Variants in ABCC6 observed in about 807,000 individuals in gnomAD.
ABCC6 encodes ATP-binding cassette sub-family C member 6.
A neutral mutation model predicts 169.5 loss-of-function variants in ABCC6; 126 were observed. The ratio of observed to expected loss-of-function variants is 0.74; its 90% CI spans 0.64 to 0.86. ABCC6 has a LOEUF of 0.86. Ranked by LOEUF, ABCC6 falls within the 40% of genes least tolerant of loss-of-function variation. The pLI, the probability that ABCC6 is intolerant of heterozygous loss-of-function variation, is 0.00. For missense variants in ABCC6, 1,733 were observed against 1,927.2 expected, an observed-to-expected ratio of 0.90 and a Z score of 1.89; for synonymous variants, 752 against 814.7, an observed-to-expected ratio of 0.92 and a Z score of 1.31.
At chr16:16,188,276 C>T (rs2047721623) in intron 13 of ABCC6, among the ~76,000 whole-genome samples, 1 of 151,508 alleles carries the variant, frequency 6.6e-6, no homozygotes, top group Non-Finnish European at 1.5e-5. Flanking sequence ...CCTGTGGTCC[C>T]AGCTACTTGG....
chr16:16,164,174 C>T (rs1291144195), intron 23 of ABCC6, among the ~76,000 whole-genome samples: 1 of 152,044 alleles, frequency 6.6e-6, no homozygotes, highest in African/African-American at 2.4e-5. Context: ...GCTGGGATTA[C>T]AAGCATGCGC....
chr16:16,198,899 C>G (rs2048146868), intron 9 of ABCC6, among the ~76,000 whole-genome samples: 1 of 151,970 alleles, frequency 6.6e-6, no homozygotes, highest in South Asian at 2.1e-4. Flanking sequence ...GAGGCTGAGG[C>G]AAGAGAATCG....
chr16:16,221,704 A>G lies in ABCC6; in HGVS notation c.164T>C (p.Ile55Thr). The G allele has an allele frequency of 6.2e-7, 1 of 1,613,898 alleles. No homozygotes were observed. Among genetic ancestry groups the G allele is most frequent in the Non-Finnish European group, 8.5e-7 (1 of 1,179,848 alleles). Residue 55 changes from isoleucine to threonine, a missense_variant, in exon 2 of 31, where the codon ATC becomes ACC. Coordinates refer to ENST00000205557, the MANE Select transcript of ABCC6 (RefSeq NM_001171.6). ...WVLGPIYLLF[I>T]HHHGRGYLRM... is the part of the protein sequence containing the mutation. Reference sequence around the variant, plus strand: ...GAGGTAGCCCCGGCCATGGTGGTGGATGAAGAGGAGGTAGATGGGACCAAG... The same window carrying G: ...GAGGTAGCCCCGGCCATGGTGGTGGGTGAAGAGGAGGTAGATGGGACCAAG...
At chr16:16,183,076 C>G in intron 15 of ABCC6, 146 bp from the exon 16 acceptor site, 1 of 1,292,868 alleles carries the variant, frequency 7.7e-7, no homozygotes, top group Non-Finnish European at 1.1e-6. Context: ...CAGTCCTTGT[C>G]TAGCTATTTG....
At chr16:16,175,675 T>C (rs560862462) in intron 20 of ABCC6, among the ~76,000 whole-genome samples, 6 of 152,298 alleles carry the variant, frequency 3.9e-5, no homozygotes, top group Admixed American at 2.0e-4. Context: ...CATCCATCAA[T>C]TGGAAGGCAT....
intron 14 of ABCC6, among the ~76,000 whole-genome samples, chr16:16,185,651 G>C (rs925975463): frequency 1.3e-5 from 2 of 152,126 alleles, no homozygotes; most frequent in Admixed American, 6.6e-5. Context: ...CAGGCGTGGT[G>C]GTGGGCGCCT....
chr16:16,186,765 T>C (rs1212005166), intron 14 of ABCC6, among the ~76,000 whole-genome samples: 1 of 151,742 alleles, frequency 6.6e-6, no homozygotes, highest in African/African-American at 2.4e-5. Context: ...ATAAATGGAA[T>C]GTGTTTGAAT....
In ABCC6 at chr16:16,188,895, G is replaced by A. The variant is rs1457725817; in HGVS notation, c.1715C>T (p.Thr572Ile). ...GGCCTTGTTGAGGATGTTGAGAACTGTGAGAGTCACAAAGGCTTTCTCTGC... is the reference window on the plus strand; with the variant it reads ...GGCCTTGTTGAGGATGTTGAGAACTATGAGAGTCACAAAGGCTTTCTCTGC... ...MNAEKAFVTL[T>I]VLNILNKAQA... The change falls in exon 13 of 31, where the codon ACA becomes ATA. Residue 572 changes from threonine (T) to isoleucine (I), a missense_variant. Physicochemically the swap from Thr to Ile is moderately conservative, Grantham distance 89. This residue lies in a region of ABCC6 where 1,601 missense variants were observed against 1,635.5 expected (regional missense o/e 0.98). Transcript: ENST00000205557. 1.9e-6 allele frequency: 3 copies of A among 1,614,044 alleles called. No individual in the cohort carries two copies. The highest frequency in any genetic ancestry group is 8.5e-7 in the Non-Finnish European group (1 of 1,180,016).
Position 16,165,889 on chromosome 16 carries a change from C to A in ABCC6, c.3040G>T (p.Ala1014Ser). 1 of 1,613,130 alleles carries A rather than the reference C, an allele frequency of 6.2e-7. No homozygotes were observed. The highest frequency in any genetic ancestry group is 8.5e-7 in the Non-Finnish European group (1 of 1,179,994). Reference sequence around the variant, plus strand: ...TGGAAGAGCAACCTGGATGCCCGGGCCCCACCTAGGAGCACCGCAGCCATG... The same window carrying A: ...TGGAAGAGCAACCTGGATGCCCGGGACCCACCTAGGAGCACCGCAGCCATG... ...ASMAAVLLGG[A>S]RASRLLFQRL... Residue 1014 changes from alanine to serine, a missense_variant, in exon 23 of 31, where the codon GCC (alanine) becomes TCC (serine). Physicochemically the swap from Ala to Ser is moderately conservative, Grantham distance 99. Around this residue, in one of 5 missense-constraint regions of ABCC6, gnomAD observed 1,601 missense variants for 1,635.5 expected, o/e 0.98. Transcript: ENST00000205557.
chr16:16,196,696 A>G (rs1185968800), intron 10 of ABCC6, among the ~76,000 whole-genome samples: 4 of 151,940 alleles, frequency 2.6e-5, no homozygotes, highest in East Asian at 1.9e-4. Context: ...GTCTAATTTT[A>G]TTTTTACTTT....
chr16:16,161,862 G>A (rs901822077), intron 24 of ABCC6, among the ~76,000 whole-genome samples: 3 of 152,090 alleles, frequency 2.0e-5, no homozygotes, highest in Non-Finnish European at 2.9e-5. Flanking sequence ...CTGAACCATG[G>A]CCTCCATGGT....
chr16:16,167,126 C>T (rs2046903420), intron 22 of ABCC6, among the ~76,000 whole-genome samples: 1 of 152,154 alleles, frequency 6.6e-6, no homozygotes, highest in Admixed American at 6.5e-5. Flanking sequence ...AACTTCTCCT[C>T]TGGGGTGGGG....
At chr16:16,193,368 G>C (rs1034849557) in intron 10 of ABCC6, among the ~76,000 whole-genome samples, 1 of 152,110 alleles carries the variant, frequency 6.6e-6, no homozygotes, top group African/African-American at 2.4e-5. Flanking sequence ...CAGCCCTCTG[G>C]GTTGCTCTCT....
intron 7 of ABCC6, among the ~76,000 whole-genome samples, chr16:16,207,224 A>T (rs1340818916): frequency 3.3e-5 from 5 of 152,140 alleles, no homozygotes; most frequent in Non-Finnish European, 2.9e-5. Context: ...AACAGCCCCT[A>T]CCCACTTCTG....
At chr16:16,152,896 G>T (rs983683068) in intron 29 of ABCC6, among the ~76,000 whole-genome samples, 7 of 126,752 alleles carry the variant, frequency 5.5e-5, no homozygotes, top group Non-Finnish European at 1.3e-4. Context: ...AACACCTTAG[G>T]TTTTTTTTTG....
At chr16:16,196,957 G>C (rs2048058620) in intron 10 of ABCC6, among the ~76,000 whole-genome samples, 2 of 152,054 alleles carry the variant, frequency 1.3e-5, no homozygotes, top group African/African-American at 4.8e-5. Context: ...CCCCCAAATT[G>C]CTGAGATTAT....
intron 30 of ABCC6, 112 bp downstream of exon 30, chr16:16,150,466 A>G: frequency 1.3e-6 from 2 of 1,507,276 alleles, no homozygotes; most frequent in South Asian, 2.6e-5. Context: ...CTCTGGCCCC[A>G]TTCAGGACCC....
At chr16:16,150,945 T>A (rs947871100) in intron 29 of ABCC6, among the ~76,000 whole-genome samples, 173 bp from the exon 30 acceptor site, 4 of 152,240 alleles carry the variant, frequency 2.6e-5, no homozygotes, top group African/African-American at 9.6e-5. Context: ...GGAAGCCTGT[T>A]CCTGCCATCT....
chr16:16,216,103 G>A (rs2048862979), intron 4 of ABCC6, among the ~76,000 whole-genome samples: 2 of 151,918 alleles, frequency 1.3e-5, no homozygotes, highest in South Asian at 4.1e-4. Context: ...TGTATTTTTA[G>A]TAGAGACAGG....
Sources: allele counts gnomAD v4.1 joint callset (sites outside exome capture counted in the v4.1 genomes callset), GRCh38; gene constraint gnomAD v4.1.1; regional missense constraint gnomAD v4.1.1; transcripts MANE v1.5; gene names NCBI Gene and HGNC (gene_info 2026-07-23, HGNC 2026-07-21).